Variants in ZNF326 observed in about 807,000 individuals in gnomAD.
ZNF326 encodes the protein DBIRD complex subunit ZNF326.
A neutral mutation model predicts 63.1 loss-of-function variants in ZNF326; 30 were observed. The ratio of observed to expected loss-of-function variants is 0.48; its 90% confidence interval spans 0.36 to 0.64. The LOEUF is 0.64. ZNF326 is among the 30% of genes least tolerant of loss of function. ZNF326 has a pLI of 0.00. For synonymous variants in ZNF326, 194 were observed against 228.2 expected (o/e 0.85, Z 1.35); for missense variants, 609 against 720.3 (o/e 0.85, Z 1.77).
Position 90,017,311 on chromosome 1 carries a change from T to C in ZNF326, c.927-6T>C, listed in dbSNP as rs369405640. The C allele has an allele frequency of 3.4e-5, 53 of 1,574,502 alleles. 1 individual carries two copies. The highest frequency in any genetic ancestry group is 1.6e-4 in the East Asian group (7 of 44,022). On this transcript the variant is annotated splice_polypyrimidine_tract_variant and splice_region_variant and intron_variant, in intron 7 of 11. Coordinates refer to ENST00000340281, the MANE Select transcript of ZNF326 (RefSeq NM_182976.4). ...ATTTAAAGGAAAACTTTTTTTTCTC[T>C]TACAGAATGGCATTTACATGTTCAT...
chr1:90,027,314 T>C lies in ZNF326; in HGVS notation c.1402-40T>C, dbSNP rs763926566. 1.4e-5 allele frequency: 22 copies of C among 1,589,434 alleles called. No individual in the cohort carries two copies. The East Asian group carries it at 4.7e-4, about 34-fold the overall frequency. ...TTTCACTTGCCAGATCATGTAATAA[T>C]GAATGTGCTGATTTTGAAAGCCATT... On this transcript the variant is annotated intron_variant, in intron 11 of 11. Coordinates refer to ENST00000340281, the MANE Select transcript of ZNF326 (RefSeq NM_182976.4).
At position 90,027,496 on chromosome 1, in the gene ZNF326, T is replaced by C. The variant is rs751821921; in HGVS notation, c.1544T>C (p.Val515Ala). Reference sequence around the variant, plus strand: ...GAAGAAGCAGAGGAAGTGGGGGAAGTAGAGGAAGTGGAAGAAGTAGAGGAA... The same window carrying C: ...GAAGAAGCAGAGGAAGTGGGGGAAGCAGAGGAAGTGGAAGAAGTAGAGGAA... ...EEEEAEEVGE[V>A]EEVEEVEEVR... The change falls in exon 12 of 12, where the codon GTA (valine) becomes GCA (alanine). Residue 515 changes from valine (V) to alanine (A), a missense_variant. Physicochemically the swap from Val to Ala is moderately conservative, Grantham distance 64 (BLOSUM62 0). Around this residue, in one of 3 missense-constraint regions of ZNF326, gnomAD observed 399 missense variants for 444.3 expected, o/e 0.90. Transcript: ENST00000340281. The C allele has an allele frequency of 1.2e-6, 2 of 1,608,868 alleles. No homozygotes were observed. The highest frequency in any genetic ancestry group is 1.7e-5 in the Admixed American group (1 of 59,336).
intron 9 of ZNF326, among the ~76,000 whole-genome samples, chr1:90,020,231 A>T (rs946447961): frequency 2.6e-5 from 4 of 151,734 alleles, no homozygotes; most frequent in African/African-American, 9.7e-5. Flanking sequence ...ACAGCTCTTT[A>T]TTATTTAGGC....
chr1:90,015,713 CAG>C (rs1479225390), intron 7 of ZNF326, among the ~76,000 whole-genome samples: 1 of 151,898 alleles, frequency 6.6e-6, no homozygotes, highest in Non-Finnish European at 1.5e-5. Context: ...GCATGGAAAT[CAG>C]GGGAGGCTGC....
chr1:90,005,490 T>G, intron 4 of ZNF326: 3 of 1,146,576 alleles, frequency 2.6e-6, no homozygotes, highest in Non-Finnish European at 3.2e-6. Context: ...GATACACTTT[T>G]TAGCAGTGAA....
At chr1:90,006,515 A>G (rs1648996684) in intron 4 of ZNF326, 1 of 979,706 alleles carries the variant, frequency 1.0e-6, no homozygotes, top group Non-Finnish European at 1.2e-6. Context: ...TAACTCTCTT[A>G]AAACCTCGAG....
At chr1:90,021,400 A>G (rs1255393890) in intron 10 of ZNF326, among the ~76,000 whole-genome samples, 1 of 152,014 alleles carries the variant, frequency 6.6e-6, no homozygotes, top group Non-Finnish European at 1.5e-5. Flanking sequence ...AAAAGAAAGT[A>G]AAGATTTGAT....
chr1:90,016,879 A>G (rs1649528902), intron 7 of ZNF326, among the ~76,000 whole-genome samples: 2 of 152,228 alleles, frequency 1.3e-5, no homozygotes, highest in African/African-American at 4.8e-5. Flanking sequence ...TTATCACCCA[A>G]GAATTCCACA....
rs947736964 is a variant in ZNF326 at position 90,029,574 on chromosome 1, A to G, written c.*1873A>G. The G allele has an allele frequency of 1.3e-5, 2 of 152,090 alleles. No individual in the cohort carries two copies. Among genetic ancestry groups the G allele is most frequent in the Admixed American group, 6.5e-5 (1 of 15,270 alleles). The allele number at this position is 152,090 out of a possible 1,614,324, so 9.4% of individuals were successfully genotyped here. A position where few individuals can be genotyped will look rare whatever the true frequency, so the allele number is the denominator to read the frequency against. On this transcript the variant is annotated 3_prime_UTR_variant, in exon 12 of 12. Coordinates refer to ENST00000340281, the MANE Select transcript of ZNF326 (RefSeq NM_182976.4). ...AGGTAAAAGAATAATAAATTCCTCT[A>G]GGTTATTAGTATTTGGTTCTTCTGA...
chr1:90,015,043 CTAAA>C (rs1458923956), intron 7 of ZNF326, among the ~76,000 whole-genome samples: 3 of 152,002 alleles, frequency 2.0e-5, no homozygotes, highest in African/African-American at 7.2e-5. Context: ...CTCTGTAACT[CTAAA>C]TATAAATCTG....
intron 11 of ZNF326, among the ~76,000 whole-genome samples, chr1:90,023,608 A>G (rs1189134466): frequency 6.6e-6 from 1 of 152,260 alleles, no homozygotes; most frequent in East Asian, 1.9e-4. Flanking sequence ...TATGAGAGGT[A>G]TGGCATCAAA....
rs1650436299 is a variant in ZNF326, at chr1:90,035,254, AGT to A, written c.*7557_*7558del. On this transcript the variant is annotated 3_prime_UTR_variant, in exon 12 of 12. Transcript: ENST00000340281. ...AGAAAACATAGTCCTTATTTTGAGC[AGT>A]GTGATTGTAGAGACAAACATCCAAG... is the stretch of plus-strand genomic sequence containing the variant. 6.6e-6 allele frequency: 1 copy of A among 152,260 alleles called. No individual in the cohort carries two copies. The highest frequency in any genetic ancestry group is 2.1e-4 in the South Asian group (1 of 4,836). 9.4% of individuals were successfully genotyped at this position (152,260 alleles called of 1,614,324 possible).
At chr1:89,996,593 G>A (rs1325957573) in intron 1 of ZNF326, among the ~76,000 whole-genome samples, 3 of 151,930 alleles carry the variant, frequency 2.0e-5, no homozygotes, top group Non-Finnish European at 2.9e-5. Flanking sequence ...GAATATTTGG[G>A]CTGGGCACGA....
At chr1:90,004,412 A>G (rs1470306375) in intron 2 of ZNF326, among the ~76,000 whole-genome samples, 2 of 152,242 alleles carry the variant, frequency 1.3e-5, no homozygotes, top group Non-Finnish European at 2.9e-5. Flanking sequence ...CTGCTGTCAT[A>G]TAGGACAAAA....
intron 2 of ZNF326, among the ~76,000 whole-genome samples, chr1:90,000,082 A>G (rs902721076): frequency 2.0e-5 from 3 of 152,138 alleles, no homozygotes; most frequent in Non-Finnish European, 1.5e-5. Flanking sequence ...ATGTGTTGCA[A>G]TTTTAGAGTC....
At position 90,028,979 on chromosome 1, in the gene ZNF326, G is replaced by GT. The variant is rs1169995819; in HGVS notation, c.*1283dup. 1 of 151,402 alleles carries GT rather than the reference G, an allele frequency of 6.6e-6. No individual in the cohort carries two copies. Among genetic ancestry groups the GT allele is most frequent in the Non-Finnish European group, 1.5e-5 (1 of 67,902 alleles). 9.4% of individuals were successfully genotyped at this position (151,402 alleles called of 1,614,324 possible). On this transcript the variant is annotated 3_prime_UTR_variant, in exon 12 of 12. Transcript: ENST00000340281. ...CCACCATGCCCAGCTAATTTTTGTA[G>GT]TTTTTGTAGAGACAGGGTTTTACCA...
chr1:90,015,883 C>G (rs1649479717), intron 7 of ZNF326, among the ~76,000 whole-genome samples: 3 of 143,676 alleles, frequency 2.1e-5, no homozygotes, highest in Admixed American at 2.1e-4. Context: ...TGAAGTGACT[C>G]TAATGGGTGA....
rs369678717 is a variant in ZNF326, at chr1:90,022,975, G to A, written c.1401+630G>A. ...AAGAAGGAATCTCATGGAATTTGGC[G>A]GGCGGGAGAAGAGAGGTTTGCTTCT... On this transcript the variant is annotated intron_variant, in intron 11 of 11. Coordinates refer to ENST00000340281, the MANE Select transcript of ZNF326 (RefSeq NM_182976.4). Among the ~76,000 whole-genome samples, 28 of 152,284 alleles carry A rather than the reference G, an allele frequency of 1.8e-4. No homozygotes were observed. In the East Asian group the frequency reaches 2.5e-3, roughly 14 times the overall value.
rs1225661246 is a variant in ZNF326, at chr1:89,995,208, G to C, written c.-50G>C. On this transcript the variant is annotated 5_prime_UTR_variant, in exon 1 of 12. Transcript: ENST00000340281. ...CGCGGGTCGCGGACGCTCGCCGCCGGCCATAGCTCAGCCTAGCGCCGCCAA... is the reference window on the plus strand; with the variant it reads ...CGCGGGTCGCGGACGCTCGCCGCCGCCCATAGCTCAGCCTAGCGCCGCCAA... 1.0e-5 allele frequency: 16 copies of C among 1,530,944 alleles called. No individual in the cohort carries two copies. The East Asian group carries it at 3.6e-4, about 35-fold the overall frequency. 94.8% of individuals were successfully genotyped at this position (1,530,944 alleles called of 1,614,324 possible). A position where few individuals can be genotyped will look rare whatever the true frequency, so the allele number is the denominator to read the frequency against.
Sources: gnomAD v4.1 joint callset for allele counts (sites outside exome capture counted in the v4.1 genomes callset) on GRCh38, gnomAD v4.1.1 for gene constraint, gnomAD v4.1.1 regional missense constraint, MANE v1.5 for transcripts, NCBI Gene and HGNC (gene_info 2026-07-23, HGNC 2026-07-21) for gene names.